GPD1L: variants seen among roughly 807,000 people sequenced by gnomAD.
GPD1L encodes glycerol-3-phosphate dehydrogenase 1-like protein.
GPD1L carries 17 observed loss-of-function variants against 32.9 expected under a neutral mutation model. That is an observed-to-expected ratio of 0.52 (90% CI 0.35 to 0.78). GPD1L has a LOEUF of 0.78. GPD1L is among the 30% of genes least tolerant of loss of function. The pLI is 0.01. For missense variants in GPD1L, 361 were observed against 447.8 expected (o/e 0.81, Z 1.75); for synonymous variants, 187 against 165.9 (o/e 1.13, Z -0.98).
At chr3:32,136,994 A>G (rs1394226448) in intron 2 of GPD1L, among the ~76,000 whole-genome samples, 1 of 152,216 alleles carries the variant, frequency 6.6e-6, no homozygotes, top group East Asian at 1.9e-4. Flanking sequence ...TGGGAAACAC[A>G]GTCCCTGGCT....
At chr3:32,148,117 C>T (rs1042104528) in intron 5 of GPD1L, among the ~76,000 whole-genome samples, 1 of 152,122 alleles carries the variant, frequency 6.6e-6, no homozygotes. Flanking sequence ...AACTAATTAC[C>T]ACTCAACAGC....
chr3:32,120,272 C>G (rs142902760), intron 1 of GPD1L, among the ~76,000 whole-genome samples: 1 of 151,900 alleles, frequency 6.6e-6, no homozygotes, highest in Non-Finnish European at 1.5e-5. Context: ...GAGTCAAGAT[C>G]GCACCACTGT....
chr3:32,109,171 A>G (rs974059571), intron 1 of GPD1L, among the ~76,000 whole-genome samples: 5 of 152,200 alleles, frequency 3.3e-5, no homozygotes, highest in African/African-American at 1.2e-4. Context: ...TTTAATGTCA[A>G]GCTCACTTGA....
intron 2 of GPD1L, among the ~76,000 whole-genome samples, chr3:32,134,572 G>A (rs981797065): frequency 6.6e-6 from 1 of 152,108 alleles, no homozygotes; most frequent in Non-Finnish European, 1.5e-5. Flanking sequence ...TTGCAGCCTC[G>A]ACCTCCTGGG....
At chr3:32,144,600 A>G (rs1050974613) in intron 4 of GPD1L, among the ~76,000 whole-genome samples, 1 of 152,108 alleles carries the variant, frequency 6.6e-6, no homozygotes, top group Non-Finnish European at 1.5e-5. Flanking sequence ...CAACCTTCCC[A>G]CATGGCTGTC....
At chr3:32,107,027 T>A (rs1422558770) in intron 1 of GPD1L, among the ~76,000 whole-genome samples, 1 of 152,126 alleles carries the variant, frequency 6.6e-6, no homozygotes, top group African/African-American at 2.4e-5. Context: ...TGCGCCCCCG[T>A]TACTGAGCGC....
rs577965251 is a variant in GPD1L at position 32,151,605 on chromosome 3, G to A, written c.618+4871G>A. ...AGTGATCCTCCCGCCTCAGCCTTCT[G>A]AGTAACTGGGACTATAGGTGCTTGC... On this transcript the variant is annotated intron_variant, in intron 5 of 7. Transcript: ENST00000282541. Among the ~76,000 whole-genome samples the A allele has an allele frequency of 6.6e-5, 10 of 152,234 alleles. No homozygotes were observed. The East Asian group carries it at 1.5e-3, about 23-fold the overall frequency.
At position 32,147,956 on chromosome 3, in the gene GPD1L, C is replaced by A. The variant is rs968208578; in HGVS notation, c.618+1222C>A. Among the ~76,000 whole-genome samples, 4 of 152,226 alleles carry A rather than the reference C, an allele frequency of 2.6e-5. No homozygotes were observed. The East Asian group carries it at 7.7e-4, about 29-fold the overall frequency. ...AAGGCCTGGGCTCCTAGGGAGCACA[C>A]ATGCATATTTCTAAGCGCCTGTGTG... On this transcript the variant is annotated intron_variant, in intron 5 of 7. Transcript: ENST00000282541.
At chr3:32,145,262 T>C (rs971437113) in intron 4 of GPD1L, among the ~76,000 whole-genome samples, 1 of 152,040 alleles carries the variant, frequency 6.6e-6, no homozygotes, top group Non-Finnish European at 1.5e-5. Context: ...GAGGTTGCAG[T>C]GAGCTGAGAT....
chr3:32,107,906 G>A (rs1468337295), intron 1 of GPD1L, among the ~76,000 whole-genome samples: 1 of 152,112 alleles, frequency 6.6e-6, no homozygotes, highest in Non-Finnish European at 1.5e-5. Context: ...CTAGTGCCTG[G>A]CATATGCTAA....
intron 4 of GPD1L, among the ~76,000 whole-genome samples, chr3:32,144,307 G>A (rs1050464723): frequency 1.6e-4 from 25 of 152,096 alleles, no homozygotes; most frequent in Admixed American, 1.4e-3. Context: ...GTGCCCTCTT[G>A]TGGTAAGGTC....
intron 1 of GPD1L, among the ~76,000 whole-genome samples, chr3:32,124,454 T>C (rs1353872909): frequency 6.6e-6 from 1 of 152,190 alleles, no homozygotes; most frequent in African/African-American, 2.4e-5. Context: ...CCTTGCTCTA[T>C]TTCATCCACA....
At chr3:32,160,856 G>T (rs745639016) in intron 7 of GPD1L, among the ~76,000 whole-genome samples, 9 of 152,102 alleles carry the variant, frequency 5.9e-5, no homozygotes, top group Non-Finnish European at 1.2e-4. Context: ...GAGCATGATT[G>T]TGGAGGACCA....
Position 32,138,629 on chromosome 3 carries a change from C to A in GPD1L, c.268C>A (p.Leu90Met). 1 of 1,613,924 alleles carries A rather than the reference C, an allele frequency of 6.2e-7. No individual in the cohort carries two copies. The highest frequency in any genetic ancestry group is 1.1e-5 in the South Asian group (1 of 91,068). ...NLSEAVQDADLLVFVIPHQFI... is the reference protein window; with the variant it reads ...NLSEAVQDADMLVFVIPHQFI... The stretch of plus-strand genomic sequence containing the variant: ...TAGCGAGGCTGTGCAGGATGCAGAC[C>A]TGCTGGTGTTTGTCATTCCCCACCA... The change falls in exon 3 of 8, where the codon CTG (leucine) becomes ATG (methionine). Residue 90 changes from leucine to methionine, a missense_variant. Leu to Met is a conservative substitution (Grantham distance 15). Transcript: ENST00000282541.
Position 32,158,867 on chromosome 3 carries a change from C to G in GPD1L, c.619-9C>G, listed in dbSNP as rs2044880. 6.1e-4 allele frequency: 982 copies of G among 1,613,514 alleles called. 1 individual carries two copies. The highest frequency in any genetic ancestry group is 7.3e-4 in the Non-Finnish European group (863 of 1,179,752). On this transcript the variant is annotated splice_polypyrimidine_tract_variant and intron_variant, in intron 5 of 7. Transcript: ENST00000282541. ...TAACGGCATCTGGGCTTTGTCATCT[C>G]CTTTGCAGAACATCGTAGCTGTGGG...
rs769899821 is a variant in GPD1L at position 32,106,669 on chromosome 3, C to A, written c.-43C>A. ...GGCTGAACAGGCGGAGGTGGGCAGC[C>A]GGCCAGGGAAGCACGGTCCAGGCGG... is the stretch of plus-strand genomic sequence containing the variant. On this transcript the variant is annotated 5_prime_UTR_variant, in exon 1 of 8. Coordinates refer to ENST00000282541, the MANE Select transcript of GPD1L (RefSeq NM_015141.4). This position sits in a 1 kb window ranked among gnomAD's most constrained non-coding sequence, Gnocchi z 4.0. 1 of 1,486,226 alleles carries A rather than the reference C, an allele frequency of 6.7e-7. No individual in the cohort carries two copies. The allele number at this position is 1,486,226 out of a possible 1,614,324, so 92.1% of individuals were successfully genotyped here. A position where few individuals can be genotyped will look rare whatever the true frequency, so the allele number is the denominator to read the frequency against.
chr3:32,106,647 T>C lies in GPD1L; in HGVS notation c.-65T>C. The C allele has an allele frequency of 2.1e-6, 3 of 1,438,268 alleles. No individual in the cohort carries two copies. Among genetic ancestry groups the C allele is most frequent in the Admixed American group, 4.8e-5 (2 of 41,470 alleles). The allele number at this position is 1,438,268 out of a possible 1,614,324, so 89.1% of individuals were successfully genotyped here. On this transcript the variant is annotated 5_prime_UTR_variant, in exon 1 of 8. Coordinates refer to ENST00000282541, the MANE Select transcript of GPD1L (RefSeq NM_015141.4). This position sits in a 1 kb window ranked among gnomAD's most constrained non-coding sequence, Gnocchi z 4.0. Reference sequence around the variant, plus strand: ...CGCCGCCAGCCGCTGCGGGCAAGGCTGAACAGGCGGAGGTGGGCAGCCGGC... The same window carrying C: ...CGCCGCCAGCCGCTGCGGGCAAGGCCGAACAGGCGGAGGTGGGCAGCCGGC...
chr3:32,160,060 A>G (rs544369633), intron 7 of GPD1L, among the ~76,000 whole-genome samples: 8 of 152,248 alleles, frequency 5.3e-5, no homozygotes, highest in Admixed American at 5.2e-4. Context: ...CAAGTCAGAA[A>G]AGAAGGAAGG....
rs1700540739 is a variant in GPD1L at position 32,128,258 on chromosome 3, G to T, written c.225+5G>T. 2 of 1,611,742 alleles carry T rather than the reference G, an allele frequency of 1.2e-6. No homozygotes were observed. The highest frequency in any genetic ancestry group is 1.7e-6 in the Non-Finnish European group (2 of 1,178,152). On this transcript the variant is annotated splice_donor_5th_base_variant and intron_variant, in intron 2 of 7. Coordinates refer to ENST00000282541, the MANE Select transcript of GPD1L (RefSeq NM_015141.4). ...CACAAGCTGCCAGAAAATGTGGTAA[G>T]ACTTTGGGGTGAAATGTACATTGGT... is the stretch of plus-strand genomic sequence containing the variant.
Sources: allele counts gnomAD v4.1 joint callset (sites outside exome capture counted in the v4.1 genomes callset), GRCh38; gene constraint gnomAD v4.1.1; non-coding constraint Gnocchi (gnomAD v3.1); transcripts MANE v1.5; gene names NCBI Gene and HGNC (gene_info 2026-07-23, HGNC 2026-07-21).